CRAMP1: variants seen among roughly 807,000 people sequenced by gnomAD.
CRAMP1 encodes the protein cramped chromatin regulator 1, also known as protein cramped-like.
A neutral mutation model predicts 115.4 loss-of-function variants in CRAMP1; 50 were observed. The ratio of observed to expected loss-of-function variants is 0.43; its 90% confidence interval spans 0.35 to 0.55. The LOEUF (loss-of-function observed/expected upper bound fraction) is 0.55. Among genes scored for constraint, CRAMP1 ranks in the 20% least tolerant of loss-of-function variants. CRAMP1 has a pLI of 0.01. For synonymous variants in CRAMP1, 866 were observed against 745.4 expected (o/e 1.16, Z -2.64); for missense variants, 1,679 against 1,721.7 (o/e 0.98, Z 0.44).
Position 1,622,656 on chromosome 16 carries a change from C to T in CRAMP1, c.347-3317C>T, listed in dbSNP as rs1015107240. ...AGAGACAAGGTCTCCCTGTGTGGCC[C>T]AGGCTGGTCTTGAACTCATGGACTC... On this transcript the variant is annotated intron_variant, in intron 2 of 20. Transcript: ENST00000397412. Among the ~76,000 whole-genome samples the T allele has an allele frequency of 8.5e-5, 13 of 152,170 alleles. 1 individual carries two copies. Among genetic ancestry groups the T allele is most frequent in the Middle Eastern group, 6.4e-3 (2 of 314 alleles).
Position 1,614,813 on chromosome 16 carries a change from C to T in CRAMP1, c.174C>T (p.Gly58=). The T allele has an allele frequency of 1.6e-6, 2 of 1,262,412 alleles. 1 individual carries two copies. Among genetic ancestry groups the T allele is most frequent in the South Asian group, 6.9e-5 (2 of 29,016 alleles). 78.2% of individuals were successfully genotyped at this position (1,262,412 alleles called of 1,614,324 possible). The change falls in exon 2 of 21, where the codon GGC becomes GGT. Residue 58 remains glycine (G), a synonymous_variant. Transcript: ENST00000397412. This position sits in a 1 kb window ranked among gnomAD's most constrained non-coding sequence, Gnocchi z 4.4. ...DEKTPRAGAD[G]PPAPPGAPQA... ...AGACCCCCCGGGCCGGCGCCGACGGCCCCCCCGCGCCCCCCGGCGCGCCGC... is the reference window on the plus strand; with the variant it reads ...AGACCCCCCGGGCCGGCGCCGACGGTCCCCCCGCGCCCCCCGGCGCGCCGC...
intron 2 of CRAMP1, among the ~76,000 whole-genome samples, chr16:1,624,923 C>A (rs2036496652): frequency 6.6e-6 from 1 of 152,068 alleles, no homozygotes; most frequent in African/African-American, 2.4e-5. Flanking sequence ...GATGGGATTT[C>A]ATCATGTTGC....
intron 8 of CRAMP1, 36 bp from the exon 9 acceptor site, chr16:1,655,183 G>T: frequency 3.2e-6 from 5 of 1,564,168 alleles, no homozygotes; most frequent in Non-Finnish European, 4.4e-6. Context: ...TTCCTGTTCT[G>T]CGAACCTCAC....
intron 6 of CRAMP1, among the ~76,000 whole-genome samples, chr16:1,649,785 A>ATTTTTT (rs35942594): frequency 5.6e-4 from 37 of 65,756 alleles, no homozygotes; most frequent in Non-Finnish European, 7.1e-4. Context: ...ATGAGCCACT[A>ATTTTTT]TTTTTTTTTT....
intron 11 of CRAMP1, among the ~76,000 whole-genome samples, chr16:1,661,699 G>A (rs1451540486): frequency 2.0e-5 from 3 of 151,404 alleles, no homozygotes; most frequent in East Asian, 2.0e-4. Context: ...GGGTTCAAGC[G>A]AGTCTCCTGC....
chr16:1,630,968 C>T (rs565585886), intron 3 of CRAMP1, among the ~76,000 whole-genome samples: 1 of 152,342 alleles, frequency 6.6e-6, no homozygotes, highest in East Asian at 1.9e-4. Flanking sequence ...TGCCCTCAGG[C>T]AGCGTCTGCC....
chr16:1,645,343 C>T (rs1179806921), intron 6 of CRAMP1: 14 of 253,114 alleles, frequency 5.5e-5, no homozygotes, highest in East Asian at 5.1e-4. Flanking sequence ...CCCACCACCA[C>T]GCCCGGCTAA....
intron 6 of CRAMP1, 30 bp from the exon 7 acceptor site, chr16:1,652,466 C>T: frequency 6.5e-7 from 1 of 1,541,676 alleles, no homozygotes; most frequent in Non-Finnish European, 8.8e-7. Context: ...ACTCACAGGC[C>T]TCAGCGTTCC....
chr16:1,632,485 GC>G, intron 4 of CRAMP1, 120 bp downstream of exon 4: 1 of 1,033,764 alleles, frequency 9.7e-7, no homozygotes, highest in South Asian at 1.7e-5. Flanking sequence ...CAGCCGCTTG[GC>G]CTGGGGCTCC....
chr16:1,665,970 C>A, intron 14 of CRAMP1, 103 bp from the exon 15 acceptor site: 1 of 741,010 alleles, frequency 1.3e-6, no homozygotes, highest in Non-Finnish European at 2.3e-6. Context: ...TCGGCTCCCA[C>A]ACTCCCAACA....
At chr16:1,646,471 G>C (rs189033988) in intron 6 of CRAMP1, among the ~76,000 whole-genome samples, 3 of 152,344 alleles carry the variant, frequency 2.0e-5, no homozygotes, top group Non-Finnish European at 4.4e-5. Context: ...GACACCGAGT[G>C]TCTTTCTCGT....
intron 2 of CRAMP1, among the ~76,000 whole-genome samples, chr16:1,624,549 G>C (rs985556547): frequency 2.0e-5 from 3 of 151,690 alleles, no homozygotes; most frequent in African/African-American, 7.3e-5. Context: ...CTCCCAAGTA[G>C]CTAGGACTAC....
At chr16:1,663,457 G>T (rs1005961863) in intron 13 of CRAMP1, among the ~76,000 whole-genome samples, 2 of 152,132 alleles carry the variant, frequency 1.3e-5, no homozygotes, top group Non-Finnish European at 2.9e-5. Flanking sequence ...TTGCATGAAC[G>T]GTCTTAGGAA....
At chr16:1,619,379 C>T (rs1329883625) in intron 2 of CRAMP1, among the ~76,000 whole-genome samples, 1 of 152,136 alleles carries the variant, frequency 6.6e-6, no homozygotes, top group Non-Finnish European at 1.5e-5. Flanking sequence ...TGGGGTTTTA[C>T]CGTATGGCCC....
At chr16:1,631,289 G>A (rs1485397210) in intron 3 of CRAMP1, among the ~76,000 whole-genome samples, 3 of 152,198 alleles carry the variant, frequency 2.0e-5, no homozygotes, top group African/African-American at 7.2e-5. Flanking sequence ...TGCCATTGTC[G>A]GCTTTCTCGC....
At chr16:1,653,284 G>T in intron 8 of CRAMP1, 128 bp downstream of exon 8, 1 of 1,135,862 alleles carries the variant, frequency 8.8e-7, no homozygotes, top group Non-Finnish European at 1.2e-6. Flanking sequence ...CATCACACGA[G>T]GACGCAGCAG....
chr16:1,628,557 C>T (rs1158614723), intron 3 of CRAMP1, among the ~76,000 whole-genome samples: 3 of 152,232 alleles, frequency 2.0e-5, no homozygotes, highest in African/African-American at 7.2e-5. Flanking sequence ...CCTGGCCTAA[C>T]ACGTTTCATT....
In CRAMP1 at chr16:1,659,960, G is replaced by A; in HGVS notation, c.2310G>A (p.Gly770=). 6.2e-7 allele frequency: 1 copy of A among 1,610,634 alleles called. No individual in the cohort carries two copies. Among genetic ancestry groups the A allele is most frequent in the Non-Finnish European group, 8.5e-7 (1 of 1,179,848 alleles). The part of the protein sequence containing the change: ...AQEEQSMTPP[G]KVVTVSSRSP... The stretch of plus-strand genomic sequence containing the variant: ...AGGAGCAGTCGATGACGCCCCCAGG[G>A]AAGGTGGTGACCGTCAGCTCTCGCA... Residue 770 remains glycine (G), a synonymous_variant, in exon 11 of 21, where the codon GGG becomes GGA. Transcript: ENST00000397412.
intron 6 of CRAMP1, among the ~76,000 whole-genome samples, chr16:1,648,911 T>G (rs904503640): frequency 5.9e-5 from 9 of 151,944 alleles, no homozygotes; most frequent in Non-Finnish European, 1.3e-4. Flanking sequence ...ACAAAAAAAT[T>G]AGCTGGGCGT....
Sources: allele counts gnomAD v4.1 joint callset (sites outside exome capture counted in the v4.1 genomes callset), GRCh38; gene constraint gnomAD v4.1.1; non-coding constraint Gnocchi (gnomAD v3.1); transcripts MANE v1.5; gene names NCBI Gene and HGNC (gene_info 2026-07-23, HGNC 2026-07-21).